NALF1: variants seen among roughly 807,000 people sequenced by gnomAD.
NALF1 encodes family with sequence similarity 155 member A.
NALF1 carries 3 observed loss-of-function variants against 48.4 expected under a neutral mutation model. The ratio of observed to expected loss-of-function variants is 0.06; its 90% confidence interval spans 0.03 to 0.16. The LOEUF (loss-of-function observed/expected upper bound fraction) is 0.16, where lower values mean the gene tolerates loss of function less well. NALF1 is among the 10% of genes least tolerant of loss of function. NALF1 has a pLI of 1.00. For synonymous variants in NALF1, 262 were observed against 245.7 expected, an observed-to-expected ratio of 1.07 and a Z score of -0.62; for missense variants, 526 against 571.5, an observed-to-expected ratio of 0.92 and a Z score of 0.81.
At chr13:107,639,215 G>A (rs1880079464) in intron 1 of NALF1, among the ~76,000 whole-genome samples, 3 of 152,122 alleles carry the variant, frequency 2.0e-5, no homozygotes, top group African/African-American at 7.2e-5. Flanking sequence ...TGACTTGCAA[G>A]GCAAAGTCTA....
intron 1 of NALF1, among the ~76,000 whole-genome samples, chr13:107,517,202 T>G (rs2224789): frequency 0.73 from 110,873 of 152,080 alleles, 40,937 homozygotes; most frequent in Middle Eastern, 0.83. Context: ...AAATAGAGTT[T>G]AAAATATCAG....
rs1365536077 is a variant in NALF1, at chr13:107,771,960, C to G, written c.915+93722G>C. ...CCATGTTGGCCAGGATGGTATCGAT[C>G]TCCTGACCTCGTGATCTGCCCGCCT... On this transcript the variant is annotated intron_variant, in intron 1 of 2. Transcript: ENST00000375915. Among the ~76,000 whole-genome samples the G allele has an allele frequency of 2.0e-5, 3 of 152,132 alleles. No individual in the cohort carries two copies. The East Asian group carries it at 5.8e-4, about 29-fold the overall frequency.
chr13:107,318,588 T>C (rs1166020690), intron 1 of NALF1, among the ~76,000 whole-genome samples: 1 of 152,112 alleles, frequency 6.6e-6, no homozygotes, highest in Non-Finnish European at 1.5e-5. Flanking sequence ...ATGGAAACTT[T>C]CACGTATTGT....
intron 1 of NALF1, among the ~76,000 whole-genome samples, chr13:107,249,084 G>C (rs1230723535): frequency 6.6e-6 from 1 of 151,930 alleles, no homozygotes. Flanking sequence ...TCCAGAATCT[G>C]CATTCTTCCC....
chr13:107,230,297 A>G (rs1246954590), intron 1 of NALF1, among the ~76,000 whole-genome samples: 2 of 152,168 alleles, frequency 1.3e-5, no homozygotes, highest in Admixed American at 6.5e-5. Flanking sequence ...AAAAAAATGT[A>G]TTCTACTCAT....
At chr13:107,662,490 T>TA (rs2138478363) in intron 1 of NALF1, among the ~76,000 whole-genome samples, 1 of 152,334 alleles carries the variant, frequency 6.6e-6, no homozygotes, top group East Asian at 1.9e-4. Context: ...CCCTGATAAC[T>TA]AGCAGATACA....
intron 1 of NALF1, among the ~76,000 whole-genome samples, chr13:107,783,726 C>T (rs577680274): frequency 1.3e-4 from 20 of 151,876 alleles, no homozygotes; most frequent in African/African-American, 4.1e-4. Flanking sequence ...ACAAACACTG[C>T]GGAAGGCCGC....
intron 1 of NALF1, among the ~76,000 whole-genome samples, chr13:107,328,421 C>A (rs1340017247): frequency 6.6e-6 from 1 of 152,038 alleles, no homozygotes; most frequent in Non-Finnish European, 1.5e-5. Flanking sequence ...TTTTCTTGTA[C>A]TTTGTTCAAA....
chr13:107,702,663 C>G (rs907800166), intron 1 of NALF1, among the ~76,000 whole-genome samples: 5 of 152,132 alleles, frequency 3.3e-5, no homozygotes, highest in African/African-American at 1.2e-4. Flanking sequence ...AGCCCAGCAT[C>G]CATTAGCTGT....
intron 1 of NALF1, among the ~76,000 whole-genome samples, chr13:107,231,451 G>A (rs2138825277): frequency 6.6e-6 from 1 of 152,224 alleles, no homozygotes; most frequent in South Asian, 2.1e-4. Flanking sequence ...CCCAACCCGT[G>A]CTGTGAATAA....
intron 1 of NALF1, among the ~76,000 whole-genome samples, chr13:107,489,894 G>GA (rs746689640): frequency 6.6e-6 from 1 of 150,796 alleles, no homozygotes; most frequent in South Asian, 2.2e-4. Context: ...AAATTTACAA[G>GA]AAAAAAACAA....
At chr13:107,764,518 T>C (rs1877369294) in intron 1 of NALF1, among the ~76,000 whole-genome samples, 3 of 152,084 alleles carry the variant, frequency 2.0e-5, no homozygotes, top group Admixed American at 1.3e-4. Context: ...TGGTAAAGTA[T>C]TCTAATGAAG....
chr13:107,241,511 T>C (rs1303288427), intron 1 of NALF1, among the ~76,000 whole-genome samples: 1 of 152,218 alleles, frequency 6.6e-6, no homozygotes, highest in African/African-American at 2.4e-5. Context: ...CCATTAGCTG[T>C]GTAACCACGA....
intron 2 of NALF1, among the ~76,000 whole-genome samples, chr13:107,186,426 G>A (rs1879173292): frequency 6.6e-6 from 1 of 152,134 alleles, no homozygotes; most frequent in South Asian, 2.1e-4. Context: ...GGAATGCAGT[G>A]GCATGATCGC....
chr13:107,602,821 T>C (rs1046297545), intron 1 of NALF1, among the ~76,000 whole-genome samples: 3 of 152,178 alleles, frequency 2.0e-5, no homozygotes, highest in Non-Finnish European at 4.4e-5. Flanking sequence ...CCAATAAGCA[T>C]AAACAAAGAC....
At chr13:107,687,041 G>GAATC (rs1316993195) in intron 1 of NALF1, among the ~76,000 whole-genome samples, 6 of 152,110 alleles carry the variant, frequency 3.9e-5, no homozygotes, top group Admixed American at 3.3e-4. Context: ...CAAGATCACG[G>GAATC]AATCAACTTA....
chr13:107,533,787 A>T (rs1876717042), intron 1 of NALF1, among the ~76,000 whole-genome samples: 1 of 152,122 alleles, frequency 6.6e-6, no homozygotes, highest in South Asian at 2.1e-4. Context: ...CTAACATGAC[A>T]CCATCCAGGA....
intron 1 of NALF1, among the ~76,000 whole-genome samples, chr13:107,260,456 T>C (rs1274534243): frequency 1.3e-5 from 2 of 152,212 alleles, no homozygotes; most frequent in Non-Finnish European, 2.9e-5. Context: ...TGTTAAAACA[T>C]GAACTTTTTC....
chr13:107,458,265 C>T (rs1446367951), intron 1 of NALF1, among the ~76,000 whole-genome samples: 1 of 152,086 alleles, frequency 6.6e-6, no homozygotes, highest in Non-Finnish European at 1.5e-5. Context: ...ATTTTAGAGC[C>T]GCTTTGACAG....
Sources: allele counts gnomAD v4.1 joint callset (sites outside exome capture counted in the v4.1 genomes callset), GRCh38; gene constraint gnomAD v4.1.1; transcripts MANE v1.5; gene names NCBI Gene and HGNC (gene_info 2026-07-23, HGNC 2026-07-21).